Variants in GPC6 observed in about 807,000 individuals in gnomAD.
GPC6 encodes glypican-6.
GPC6 carries 14 observed loss-of-function variants against 55.2 expected under a neutral mutation model. The ratio of observed to expected loss-of-function variants is 0.25; its 90% CI spans 0.17 to 0.40. GPC6 has a LOEUF of 0.40. Among genes scored for constraint, GPC6 ranks in the 10% least tolerant of loss-of-function variants. The pLI is 1.00. For missense variants in GPC6, 641 were observed against 708.5 expected, an observed-to-expected ratio of 0.90 and a Z score of 1.08; for synonymous variants, 278 against 259.6, an observed-to-expected ratio of 1.07 and a Z score of -0.68.
At chr13:93,883,431 G>A (rs1875120618) in intron 3 of GPC6, among the ~76,000 whole-genome samples, 1 of 151,922 alleles carries the variant, frequency 6.6e-6, no homozygotes, top group Non-Finnish European at 1.5e-5. Flanking sequence ...CTGCATCCAT[G>A]CCAACATCTA....
chr13:93,322,026 A>G (rs1879459848), intron 1 of GPC6, among the ~76,000 whole-genome samples: 1 of 152,160 alleles, frequency 6.6e-6, no homozygotes, highest in Non-Finnish European at 1.5e-5. Flanking sequence ...GTTCTCTCAT[A>G]AAATACAGCT....
intron 5 of GPC6, among the ~76,000 whole-genome samples, chr13:94,289,488 T>C (rs9561533): frequency 0.16 from 24,522 of 152,140 alleles, 2,096 homozygotes; most frequent in East Asian, 0.33. Context: ...GAGCATAGTC[T>C]ACATACATGG....
At chr13:94,053,527 A>G (rs1315047887) in intron 4 of GPC6, among the ~76,000 whole-genome samples, 2 of 152,166 alleles carry the variant, frequency 1.3e-5, no homozygotes, top group African/African-American at 4.8e-5. Context: ...GAAGAAATAG[A>G]AGCTGCAGTG....
At chr13:94,061,409 G>T (rs1281757460) in intron 4 of GPC6, among the ~76,000 whole-genome samples, 1 of 152,092 alleles carries the variant, frequency 6.6e-6, no homozygotes, top group Admixed American at 6.6e-5. Flanking sequence ...GCAGTGATTT[G>T]CACTCTGCCT....
At chr13:93,789,484 T>A (rs1885923837) in intron 2 of GPC6, among the ~76,000 whole-genome samples, 1 of 52,588 alleles carries the variant, frequency 1.9e-5, no homozygotes, top group African/African-American at 9.6e-5. Flanking sequence ...GTGAGTGAAC[T>A]CTCTCTCTCT....
At chr13:94,368,949 T>C (rs1198312871) in intron 6 of GPC6, among the ~76,000 whole-genome samples, 1 of 152,214 alleles carries the variant, frequency 6.6e-6, no homozygotes, top group Non-Finnish European at 1.5e-5. Flanking sequence ...TATGGTGACT[T>C]TCCCTTAACT....
intron 3 of GPC6, among the ~76,000 whole-genome samples, chr13:93,935,246 T>C (rs1425970444): frequency 1.3e-5 from 2 of 152,202 alleles, no homozygotes; most frequent in Admixed American, 6.6e-5. Context: ...AGATAATTTT[T>C]CAACCCTTGG....
chr13:93,564,998 C>T lies in GPC6; in HGVS notation c.319+19577C>T, dbSNP rs141350755. ...AGATAGTAAAAAAGAAAACAAAAAA[C>T]ATTCCCTCAGAATGTAGCATTTTTG... is the stretch of plus-strand genomic sequence containing the variant. On this transcript the variant is annotated intron_variant, in intron 2 of 8. Transcript: ENST00000377047. Among the ~76,000 whole-genome samples, 55 of 152,296 alleles carry T rather than the reference C, an allele frequency of 3.6e-4. No individual in the cohort carries two copies. In the East Asian group the frequency reaches 9.2e-3, roughly 26 times the overall value.
chr13:94,358,286 C>CAAAA (rs572937217), intron 6 of GPC6, among the ~76,000 whole-genome samples: 1 of 64,036 alleles, frequency 1.6e-5, no homozygotes, highest in Non-Finnish European at 3.3e-5. Flanking sequence ...AAGACTCCGT[C>CAAAA]AAAAAAAAAA....
chr13:93,965,103 TTTG>T (rs1305247124), intron 3 of GPC6, among the ~76,000 whole-genome samples: 12 of 126,018 alleles, frequency 9.5e-5, no homozygotes, highest in East Asian at 2.5e-4. Flanking sequence ...ACACTATGAG[TTTG>T]TTTTTTTTTT....
rs537246565 is a variant in GPC6, at chr13:93,698,037, A to G, written c.320-132117A>G. ...AATTGTATTACTTGTCAAATATCCT[A>G]AAGTGGAGAAATTCTTTAAGGAGTA... On this transcript the variant is annotated intron_variant, in intron 2 of 8. Transcript: ENST00000377047. Among the ~76,000 whole-genome samples the G allele has an allele frequency of 1.4e-3, 219 of 152,288 alleles. 1 individual carries two copies. The highest frequency in any genetic ancestry group is 5.1e-3 in the African/African-American group (211 of 41,576).
At chr13:93,486,716 GCAGGTGGATCACGAGGT>G (rs1340207901) in intron 1 of GPC6, among the ~76,000 whole-genome samples, 4 of 152,094 alleles carry the variant, frequency 2.6e-5, no homozygotes, top group African/African-American at 9.7e-5. Context: ...GGAGGCCAAG[GCAGGTGGATCACGAGGT>G]CAGGAGATCG....
At chr13:93,643,074 TG>T (rs1340707707) in intron 2 of GPC6, among the ~76,000 whole-genome samples, 2 of 152,158 alleles carry the variant, frequency 1.3e-5, no homozygotes, top group African/African-American at 4.8e-5. Flanking sequence ...CACTAAAATA[TG>T]AATGAATATT....
At chr13:94,321,051 A>G (rs1203881877) in intron 6 of GPC6, among the ~76,000 whole-genome samples, 1 of 152,200 alleles carries the variant, frequency 6.6e-6, no homozygotes, top group Non-Finnish European at 1.5e-5. Context: ...TAGTGTTTCT[A>G]TCTTCGCCTT....
At chr13:93,700,888 C>G (rs1171513957) in intron 2 of GPC6, among the ~76,000 whole-genome samples, 7 of 152,074 alleles carry the variant, frequency 4.6e-5, no homozygotes, top group African/African-American at 1.7e-4. Context: ...ACAAAATATT[C>G]ATTATCACAT....
chr13:93,865,483 A>G (rs1052234901), intron 3 of GPC6, among the ~76,000 whole-genome samples: 1 of 151,652 alleles, frequency 6.6e-6, no homozygotes, highest in Admixed American at 6.6e-5. Flanking sequence ...CTTTCCAGAT[A>G]TCTCACTGTG....
At chr13:94,129,187 T>A (rs1168232321) in intron 4 of GPC6, among the ~76,000 whole-genome samples, 2 of 152,122 alleles carry the variant, frequency 1.3e-5, no homozygotes, top group Non-Finnish European at 2.9e-5. Flanking sequence ...CAATATAAAT[T>A]GAAATAATGA....
intron 2 of GPC6, among the ~76,000 whole-genome samples, chr13:93,663,762 C>T (rs1169686186): frequency 1.3e-5 from 2 of 152,286 alleles, no homozygotes; most frequent in South Asian, 4.1e-4. Flanking sequence ...CAAGTCACTT[C>T]ATCTTTCTAT....
intron 2 of GPC6, among the ~76,000 whole-genome samples, chr13:93,728,959 T>A (rs1883736068): frequency 6.6e-6 from 1 of 152,200 alleles, no homozygotes; most frequent in African/African-American, 2.4e-5. Context: ...TCATAATCAG[T>A]CTACAACTAA....
Sources: gnomAD v4.1 joint callset for allele counts (sites outside exome capture counted in the v4.1 genomes callset) on GRCh38, gnomAD v4.1.1 for gene constraint, MANE v1.5 for transcripts, NCBI Gene and HGNC (gene_info 2026-07-23, HGNC 2026-07-21) for gene names.